The following FAM178B variants were observed in gnomAD, a reference collection of about 807,000 sequenced individuals.
FAM178B encodes the protein protein FAM178B.
Under a neutral mutation model 91.7 loss-of-function variants are expected in FAM178B, and 82 were observed. The observed-to-expected ratio is 0.89, with a 90% CI of 0.75 to 1.07. The LOEUF (loss-of-function observed/expected upper bound fraction) is 1.07, where lower values mean the gene tolerates loss of function less well. Ranked by LOEUF, FAM178B falls within the 50% of genes least tolerant of loss-of-function variation. The pLI, the probability that FAM178B is intolerant of heterozygous loss-of-function variation, is 0.00. For missense variants in FAM178B, 769 were observed against 846.7 expected (o/e 0.91, Z 1.14); for synonymous variants, 368 against 359.4 (o/e 1.02, Z -0.27).
At chr2:96,970,377 C>A (rs1367354187) in intron 4 of FAM178B, among the ~76,000 whole-genome samples, 1 of 152,218 alleles carries the variant, frequency 6.6e-6, no homozygotes, top group Non-Finnish European at 1.5e-5. Context: ...CAGGCTGTAA[C>A]CCTCAGCCAC....
At chr2:96,986,120 C>G in intron 1 of FAM178B, 121 bp downstream of exon 1, 1 of 1,476,798 alleles carries the variant, frequency 6.8e-7, no homozygotes. Flanking sequence ...GCCAGAGTAG[C>G]CCGGCGGCCG....
chr2:96,973,460 C>A (rs2082250302), intron 1 of FAM178B, among the ~76,000 whole-genome samples: 1 of 152,138 alleles, frequency 6.6e-6, no homozygotes, highest in Admixed American at 6.5e-5. Context: ...GCCCAACAAG[C>A]GTCCTCCAGT....
chr2:96,976,074 A>G (rs2082283776), intron 1 of FAM178B, among the ~76,000 whole-genome samples: 1 of 151,990 alleles, frequency 6.6e-6, no homozygotes, highest in Non-Finnish European at 1.5e-5. Flanking sequence ...ACCATATGGT[A>G]TATGATAGGC....
Position 96,974,157 on chromosome 2 carries a change from C to T in FAM178B, c.74-1551G>A, listed in dbSNP as rs542598070. ...CAGCACTTTGGGAGGCTGAGGTGGG[C>T]GGATCATGAGGTCAGGAGATCGAGA... On this transcript the variant is annotated intron_variant, in intron 1 of 16. Coordinates refer to ENST00000490605, the MANE Select transcript of FAM178B (RefSeq NM_001122646.3). Among the ~76,000 whole-genome samples, 15 of 151,568 alleles carry T rather than the reference C, an allele frequency of 9.9e-5. No individual in the cohort carries two copies. In the South Asian group the frequency reaches 1.3e-3, roughly 13 times the overall value.
chr2:96,889,358 A>G (rs2080608889), intron 14 of FAM178B, among the ~76,000 whole-genome samples: 1 of 152,160 alleles, frequency 6.6e-6, no homozygotes, highest in South Asian at 2.1e-4. Flanking sequence ...CCTAAGGGGA[A>G]AAACAGAATT....
intron 12 of FAM178B, among the ~76,000 whole-genome samples, chr2:96,906,533 T>C (rs62152906): frequency 0.12 from 18,685 of 152,068 alleles, 1,240 homozygotes; most frequent in Middle Eastern, 0.22. Flanking sequence ...CCCCCTCCTG[T>C]GCAGCACCAC....
chr2:96,911,503 A>T (rs2081157148), intron 12 of FAM178B, among the ~76,000 whole-genome samples: 1 of 152,188 alleles, frequency 6.6e-6, no homozygotes, highest in Admixed American at 6.5e-5. Context: ...GGGGGCACCA[A>T]TGCCCTCCAA....
Position 96,947,928 on chromosome 2 carries a change from A to C in FAM178B, c.994-26T>G, listed in dbSNP as rs181065253. 2,266 of 1,317,482 alleles carry C rather than the reference A, an allele frequency of 1.7e-3. 7 individuals are homozygous for C. Among genetic ancestry groups the C allele is most frequent in the Admixed American group, 2.2e-3 (104 of 47,126 alleles). The allele number at this position is 1,317,482 out of a possible 1,614,324, so 81.6% of individuals were successfully genotyped here. ...CTAGGTGGAAAAAAAAAACAAAAAC[A>C]AAAACCTGGTGAGCTGGGTCATTCC... On this transcript the variant is annotated intron_variant, in intron 7 of 16. Transcript: ENST00000490605.
intron 10 of FAM178B, among the ~76,000 whole-genome samples, chr2:96,922,919 C>A (rs2081367511): frequency 6.6e-6 from 1 of 152,070 alleles, no homozygotes; most frequent in Non-Finnish European, 1.5e-5. Flanking sequence ...GGTGATCCAC[C>A]CGCCTCAGCC....
chr2:96,895,363 C>T (rs550638729), intron 13 of FAM178B, among the ~76,000 whole-genome samples: 2 of 152,334 alleles, frequency 1.3e-5, no homozygotes, highest in East Asian at 3.9e-4. Flanking sequence ...CAACACAAGG[C>T]CCACACACTG....
In FAM178B at chr2:96,972,220, G is replaced by A. The variant is rs1263916499; in HGVS notation, c.245C>T (p.Pro82Leu). Reference protein sequence around the residue: ...DQGPRCPARRPCSPASAPAPT... With the variant: ...DQGPRCPARRLCSPASAPAPT... ...AGCTGGAGCCGAGGCAGGGCTGCAG[G>A]GCCGCCGGGCAGGGCAGCGGGGCCC... The change falls in exon 3 of 17, where the codon CCC becomes CTC. Residue 82 changes from proline (P) to leucine (L), a missense_variant. Physicochemically the swap from Pro to Leu is moderately conservative, Grantham distance 98. Transcript: ENST00000490605. 1 of 1,540,984 alleles carries A rather than the reference G, an allele frequency of 6.5e-7. No homozygotes were observed. The highest frequency in any genetic ancestry group is 2.4e-5 in the East Asian group (1 of 40,874).
At chr2:96,967,754 C>T (rs2082162357) in intron 4 of FAM178B, 127 bp from the exon 5 acceptor site, 2 of 635,048 alleles carry the variant, frequency 3.1e-6, no homozygotes, top group Admixed American at 2.7e-5. Context: ...GGCTGGTCTC[C>T]TTGTGAAGCC....
chr2:96,967,909 G>GTATTTTTTTTT (rs1318481195), intron 4 of FAM178B, among the ~76,000 whole-genome samples: 1 of 40,228 alleles, frequency 2.5e-5, no homozygotes, highest in Non-Finnish European at 1.0e-4. Flanking sequence ...ACCCTGTTTG[G>GTATTTTTTTTT]TCTTTTTTTT....
chr2:96,878,030 G>T lies in FAM178B; in HGVS notation c.1867C>A (p.Leu623Met). ...ITPDQWGELQ[L>M]LCMQLDRHIS... Reference sequence around the variant, plus strand: ...TGGCGGTCCAACTGCATGCACAGCAGCTGCAGCTCGCCCTGTGGAGGCGGA... The same window carrying T: ...TGGCGGTCCAACTGCATGCACAGCATCTGCAGCTCGCCCTGTGGAGGCGGA... The change falls in exon 16 of 17, where the codon CTG becomes ATG. Residue 623 changes from leucine (L) to methionine (M), a missense_variant. Coordinates refer to ENST00000490605, the MANE Select transcript of FAM178B (RefSeq NM_001122646.3). The T allele has an allele frequency of 6.2e-7, 1 of 1,610,098 alleles. No individual in the cohort carries two copies. The highest frequency in any genetic ancestry group is 8.5e-7 in the Non-Finnish European group (1 of 1,180,006).
intron 14 of FAM178B, among the ~76,000 whole-genome samples, chr2:96,881,873 T>C (rs1318029911): frequency 6.6e-6 from 1 of 152,108 alleles, no homozygotes; most frequent in African/African-American, 2.4e-5. Flanking sequence ...GGGAAAAACC[T>C]AAACCTGCCA....
intron 14 of FAM178B, among the ~76,000 whole-genome samples, chr2:96,880,642 T>A (rs1010629419): frequency 6.6e-6 from 1 of 152,116 alleles, no homozygotes; most frequent in Non-Finnish European, 1.5e-5. Flanking sequence ...TTGCCCAGGC[T>A]GTAGTGCAGT....
At position 96,986,457 on chromosome 2, in the gene FAM178B, T is replaced by C; in HGVS notation, c.-144A>G. The stretch of plus-strand genomic sequence containing the variant: ...GGGAGGACCCCAAGAGTTGCGTCCC[T>C]AGATCCAGGGCCGCCAACGTGGAAC... On this transcript the variant is annotated 5_prime_UTR_variant, in exon 1 of 17. Transcript: ENST00000490605. The C allele has an allele frequency of 1.0e-6, 1 of 960,970 alleles. No individual in the cohort carries two copies. Among genetic ancestry groups the C allele is most frequent in the Non-Finnish European group, 1.5e-6 (1 of 670,612 alleles). 59.5% of individuals were successfully genotyped at this position (960,970 alleles called of 1,614,324 possible). A position where few individuals can be genotyped will look rare whatever the true frequency, so the allele number is the denominator to read the frequency against.
At chr2:96,966,081 A>G (rs1450983981) in intron 5 of FAM178B, among the ~76,000 whole-genome samples, 1 of 151,988 alleles carries the variant, frequency 6.6e-6, no homozygotes, top group Non-Finnish European at 1.5e-5. Context: ...CATGTGTCCA[A>G]TTAACTCAGA....
intron 12 of FAM178B, among the ~76,000 whole-genome samples, chr2:96,914,886 C>CA (rs1181178647): frequency 6.6e-6 from 1 of 151,784 alleles, no homozygotes; most frequent in East Asian, 1.9e-4. Flanking sequence ...ATTCTGTCAA[C>CA]AACAAACAAA....
Sources: gnomAD v4.1 joint callset for allele counts (sites outside exome capture counted in the v4.1 genomes callset) on GRCh38, gnomAD v4.1.1 for gene constraint, MANE v1.5 for transcripts, NCBI Gene and HGNC (gene_info 2026-07-23, HGNC 2026-07-21) for gene names.